The following MCF2L variants were observed in gnomAD, a reference collection of about 807,000 sequenced individuals.
MCF2L encodes the protein guanine nucleotide exchange factor DBS.
In MCF2L, 97 loss-of-function variants were observed where a neutral mutation model predicts 153.4. That is an observed-to-expected ratio of 0.63 (90% CI 0.54 to 0.75). The LOEUF is 0.75. Ranked by LOEUF, MCF2L falls within the 30% of genes least tolerant of loss-of-function variation. MCF2L has a pLI of 0.00. For missense variants in MCF2L, 1,347 were observed against 1,495.2 expected, an observed-to-expected ratio of 0.90 and a Z score of 1.64; for synonymous variants, 659 against 632.2, an observed-to-expected ratio of 1.04 and a Z score of -0.64.
At chr13:113,096,260 G>C (rs1048072538) in intron 27 of MCF2L, 111 bp from the exon 28 acceptor site, 11 of 817,712 alleles carry the variant, frequency 1.3e-5, no homozygotes, top group South Asian at 1.6e-5. Flanking sequence ...GTCGTGGCCA[G>C]GAGCTCCCAC....
chr13:113,088,904 C>A (rs930831704), intron 25 of MCF2L, among the ~76,000 whole-genome samples: 2 of 152,358 alleles, frequency 1.3e-5, no homozygotes, highest in East Asian at 1.9e-4. Flanking sequence ...CACAGCCACG[C>A]CCCAGCACTC....
At chr13:113,020,704 C>T (rs1220017771) in intron 2 of MCF2L, among the ~76,000 whole-genome samples, 1 of 152,240 alleles carries the variant, frequency 6.6e-6, no homozygotes, top group Non-Finnish European at 1.5e-5. Context: ...CAGCACTGTC[C>T]CCGTGGGGGT....
At chr13:113,090,683 C>G in intron 26 of MCF2L, 1 of 985,472 alleles carries the variant, frequency 1.0e-6, no homozygotes, top group Non-Finnish European at 1.2e-6. Context: ...GGAAGCCGGC[C>G]CTGGCGTGCA....
chr13:112,984,222 T>G (rs967762178), intron 1 of MCF2L, among the ~76,000 whole-genome samples: 2 of 151,868 alleles, frequency 1.3e-5, no homozygotes, highest in Non-Finnish European at 2.9e-5. Context: ...TTGTTTTACT[T>G]AGAATTTAGA....
intron 1 of MCF2L, among the ~76,000 whole-genome samples, chr13:112,973,325 GCTGA>G (rs1189030884): frequency 1.3e-5 from 2 of 152,216 alleles, no homozygotes; most frequent in African/African-American, 2.4e-5. Context: ...TGTGTGGGTT[GCTGA>G]CTATTTTGTA....
chr13:112,909,146 G>A (rs1032802548), intron 2 of MCF2L: 41 of 755,134 alleles, frequency 5.4e-5, no homozygotes, highest in Middle Eastern at 4.6e-4. Context: ...TGCCTCATCC[G>A]CTTCTGGGTT....
rs200142815 is a variant in MCF2L, at chr13:113,078,426, G to C, written c.1724G>C (p.Arg575Pro). The change falls in exon 14 of 30, where the codon CGG becomes CCG. Residue 575 changes from arginine (R) to proline (P), a missense_variant. By Grantham distance (103) the Arg-to-Pro change is moderately radical. This residue lies in a region of MCF2L where 820 missense variants were observed against 921.2 expected (regional missense o/e 0.89). Coordinates refer to ENST00000535094, the MANE Select transcript of MCF2L (RefSeq NM_001112732.3). ...GGTGCGCTCCGGAGAGGGCCCTACC[G>C]GAGGGCCAAGGTGAGGCTTGCCCAA... ...EGGALRRGPY[R>P]RAKSEMSESR... 1 of 1,611,408 alleles carries C rather than the reference G, an allele frequency of 6.2e-7. No individual in the cohort carries two copies. Among genetic ancestry groups the C allele is most frequent in the Admixed American group, 1.7e-5 (1 of 59,846 alleles).
At chr13:113,012,913 G>A (rs1329512576) in intron 1 of MCF2L, among the ~76,000 whole-genome samples, 4 of 114,900 alleles carry the variant, frequency 3.5e-5, no homozygotes, top group African/African-American at 9.9e-5. Flanking sequence ...GGTGGACACT[G>A]TGATGCGGAC....
In MCF2L at chr13:112,951,416, C is replaced by T. The variant is rs920253201; in HGVS notation, c.169+49045C>T. Among the ~76,000 whole-genome samples the T allele has an allele frequency of 5.3e-5, 8 of 152,134 alleles. No homozygotes were observed. The highest frequency in any genetic ancestry group is 3.2e-3 in the Middle Eastern group (1 of 316). ...ATACAGGCATATGAATGTTTATATT[C>T]GTTTATTTGTCGCAGTCAAAAACTG... is the stretch of plus-strand genomic sequence containing the variant. On this transcript the variant is annotated intron_variant, in intron 2 of 29. Transcript: ENST00000375608. The surrounding 1 kb of genome is among the most constrained non-coding windows in gnomAD (Gnocchi z 4.8).
intron 4 of MCF2L, chr13:113,052,543 C>G (rs1192184267): frequency 6.0e-6 from 1 of 166,904 alleles, no homozygotes; most frequent in African/African-American, 2.4e-5. Context: ...ACCCCTGCAT[C>G]CCGGTGGCTC....
intron 3 of MCF2L, among the ~76,000 whole-genome samples, chr13:113,042,090 A>G (rs2086530405): frequency 6.6e-6 from 1 of 152,152 alleles, no homozygotes; most frequent in Non-Finnish European, 1.5e-5. Flanking sequence ...CTAACCCTGA[A>G]GAAGCATGCC....
intron 1 of MCF2L, chr13:112,894,580 C>T (rs1195419633): frequency 6.6e-6 from 1 of 151,954 alleles, no homozygotes; most frequent in East Asian, 1.9e-4. Flanking sequence ...GCGCTGGGAC[C>T]CGGCTCGCGG....
rs77556963 is a variant in MCF2L at position 113,036,880 on chromosome 13, A to G, written c.279-8391A>G. Among the ~76,000 whole-genome samples the G allele has an allele frequency of 2.4e-3, 363 of 152,360 alleles. 2 individuals carry two copies. Among genetic ancestry groups the G allele is most frequent in the African/African-American group, 8.3e-3 (345 of 41,584 alleles). On this transcript the variant is annotated intron_variant, in intron 3 of 29. Coordinates refer to ENST00000535094, the MANE Select transcript of MCF2L (RefSeq NM_001112732.3). Reference sequence around the variant, plus strand: ...ATACCAAGTGGAACTTTTAACAACCATGAATTCCTAGGCCTCACTCTCAAA... The same window carrying G: ...ATACCAAGTGGAACTTTTAACAACCGTGAATTCCTAGGCCTCACTCTCAAA...
chr13:113,070,381 G>A lies in MCF2L; in HGVS notation c.996+208G>A. ...CGATTGATGACTGCGTCATTGTATAGAAAGGTGATTGAAAATCAGCTCACT... is the reference window on the plus strand; with the variant it reads ...CGATTGATGACTGCGTCATTGTATAAAAAGGTGATTGAAAATCAGCTCACT... On this transcript the variant is annotated intron_variant, in intron 9 of 29. Transcript: ENST00000535094. This position sits in a 1 kb window ranked among gnomAD's most constrained non-coding sequence, Gnocchi z 5.6. 1 of 402,752 alleles carries A rather than the reference G, an allele frequency of 2.5e-6. No individual in the cohort carries two copies. 24.9% of individuals were successfully genotyped at this position (402,752 alleles called of 1,614,324 possible). A position where few individuals can be genotyped will look rare whatever the true frequency, so the allele number is the denominator to read the frequency against.
At chr13:113,082,379 A>AC in intron 16 of MCF2L, 48 bp from the exon 17 acceptor site, 1 of 1,119,126 alleles carries the variant, frequency 8.9e-7, no homozygotes, top group East Asian at 2.4e-5. Flanking sequence ...CTGCCCCCCC[A>AC]CAGCATCAGG....
At chr13:113,019,682 T>A (rs764259880) in intron 2 of MCF2L, among the ~76,000 whole-genome samples, 20 of 152,144 alleles carry the variant, frequency 1.3e-4, no homozygotes, top group Non-Finnish European at 2.5e-4. Flanking sequence ...CCCTCCAAAC[T>A]CAGATGTTGA....
At chr13:113,087,510 G>T in intron 22 of MCF2L, 54 bp downstream of exon 22, 1 of 1,448,170 alleles carries the variant, frequency 6.9e-7, no homozygotes. Context: ...CCCCGACGGG[G>T]GAAGTCTGTA....
chr13:113,094,471 G>A, intron 26 of MCF2L, 43 bp from the exon 27 acceptor site: 1 of 1,577,132 alleles, frequency 6.3e-7, no homozygotes, highest in Non-Finnish European at 8.6e-7. Flanking sequence ...GCAGACAGCG[G>A]CTCATCACCG....
rs759571024 is a variant in MCF2L, at chr13:113,074,673, GCCC to G, written c.1116+114_1116+116del. 4 of 1,472,824 alleles carry G rather than the reference GCCC, an allele frequency of 2.7e-6. No homozygotes were observed. The highest frequency in any genetic ancestry group is 1.4e-5 in the African/African-American group (1 of 72,462). 91.2% of individuals were successfully genotyped at this position (1,472,824 alleles called of 1,614,324 possible). A position where few individuals can be genotyped will look rare whatever the true frequency, so the allele number is the denominator to read the frequency against. On this transcript the variant is annotated intron_variant, in intron 10 of 29. Transcript: ENST00000535094. This position sits in a 1 kb window ranked among gnomAD's most constrained non-coding sequence, Gnocchi z 4.2. ...CCGCCTACGGAGAACGGACCCCACA[GCCC>G]CCCGGGGATGTCCATGGGGTGGGGG...
Sources: allele counts gnomAD v4.1 joint callset (sites outside exome capture counted in the v4.1 genomes callset), GRCh38; gene constraint gnomAD v4.1.1; regional missense constraint gnomAD v4.1.1; non-coding constraint Gnocchi (gnomAD v3.1); transcripts MANE v1.5; gene names NCBI Gene and HGNC (gene_info 2026-07-23, HGNC 2026-07-21).